Variants in NOTO observed in about 807,000 individuals in gnomAD.
NOTO encodes the protein homeobox protein notochord.
A neutral mutation model predicts 20.5 loss-of-function variants in NOTO; 19 were observed. The observed-to-expected ratio is 0.93, with a 90% CI of 0.65 to 1.36. The LOEUF (loss-of-function observed/expected upper bound fraction) is 1.36. NOTO is among the 40% of genes most tolerant of loss of function. The probability of loss-of-function intolerance (pLI) is 0.00; values close to 1 mark genes in which losing one functional copy is unlikely to be tolerated. For missense variants in NOTO, 369 were observed against 336.2 expected (o/e 1.10, Z -0.76); for synonymous variants, 150 against 150.2 (o/e 1.00, Z 0.01).
chr2:73,203,872 G>A lies in NOTO; in HGVS notation c.382+824G>A, dbSNP rs1165823587. 1.2e-4 allele frequency among the ~76,000 whole-genome samples: 11 copies of A among 88,512 alleles called. 3 individuals carry two copies. Among genetic ancestry groups the A allele is most frequent in the African/African-American group, 7.9e-4 (11 of 13,924 alleles). 58.1% of individuals were successfully genotyped at this position (88,512 alleles called of 152,430 possible). A position where few individuals can be genotyped will look rare whatever the true frequency, so the allele number is the denominator to read the frequency against. ...TCCCAGCACTTTGGGAGGCCGAGAC[G>A]GGCGGATCACGAGGTCAGGAGATCG... On this transcript the variant is annotated intron_variant, in intron 1 of 2. Coordinates refer to ENST00000398468, the MANE Select transcript of NOTO (RefSeq NM_001134462.2).
chr2:73,210,911 G>A lies in NOTO; in HGVS notation c.738G>A (p.Glu246=). The A allele has an allele frequency of 2.6e-6, 4 of 1,551,308 alleles. No homozygotes were observed. The highest frequency in any genetic ancestry group is 3.5e-6 in the Non-Finnish European group (4 of 1,146,770). Residue 246 remains glutamate (E), a synonymous_variant, in exon 3 of 3, where the codon GAG becomes GAA. Coordinates refer to ENST00000398468, the MANE Select transcript of NOTO (RefSeq NM_001134462.2). ...CCAGTATCCAGAGTGATGATGCCGA[G>A]TCAGGAGTGGACGGCTGAAGACTGG... ...SIASIQSDDA[E]SGVDG
At chr2:73,209,999 T>C (rs1010663052) in intron 2 of NOTO, among the ~76,000 whole-genome samples, 7 of 152,148 alleles carry the variant, frequency 4.6e-5, no homozygotes, top group African/African-American at 1.7e-4. Flanking sequence ...ACCCCTAATG[T>C]ACGCCCCAGC....
chr2:73,202,610 A>T lies in NOTO; in HGVS notation c.-57A>T. On this transcript the variant is annotated 5_prime_UTR_variant, in exon 1 of 3. Transcript: ENST00000398468. ...GGTCTTGCTCGCTGCCTTTTGCAGA[A>T]TCTTCTCACTTCTCCCGAGCTCCCT... The T allele has an allele frequency of 7.2e-7, 1 of 1,386,880 alleles. No individual in the cohort carries two copies. Among genetic ancestry groups the T allele is most frequent in the Non-Finnish European group, 9.3e-7 (1 of 1,075,906 alleles). The allele number at this position is 1,386,880 out of a possible 1,614,324, so 85.9% of individuals were successfully genotyped here.
rs1253849598 is a variant in NOTO, at chr2:73,211,833, T to C, written c.*904T>C. 6.6e-6 allele frequency: 1 copy of C among 152,164 alleles called. No individual in the cohort carries two copies. Among genetic ancestry groups the C allele is most frequent in the African/African-American group, 2.4e-5 (1 of 41,424 alleles). The allele number at this position is 152,164 out of a possible 1,614,324, so 9.4% of individuals were successfully genotyped here. ...AGTCATCAGTCAACTCATTAGCATA[T>C]GAAAAGACATCACTTCAGAGATTCT... On this transcript the variant is annotated 3_prime_UTR_variant, in exon 3 of 3. Coordinates refer to ENST00000398468, the MANE Select transcript of NOTO (RefSeq NM_001134462.2).
chr2:73,203,016 C>T lies in NOTO; in HGVS notation c.350C>T (p.Pro117Leu). 1.4e-6 allele frequency: 2 copies of T among 1,416,846 alleles called. No individual in the cohort carries two copies. Among genetic ancestry groups the T allele is most frequent in the South Asian group, 1.5e-5 (1 of 66,606 alleles). 87.8% of individuals were successfully genotyped at this position (1,416,846 alleles called of 1,614,324 possible). ...CCTGTGCCAGGGCCGCGCGTGGCTC[C>T]CGTCTGCGGCCTGCTGGGCTTCGGC... ...FYPVPGPRVA[P>L]VCGLLGFGVT... is the part of the protein sequence containing the mutation. Residue 117 changes from proline (P) to leucine (L), a missense_variant, in exon 1 of 3, where the codon CCC (proline) becomes CTC (leucine). By Grantham distance (98) the Pro-to-Leu change is moderately conservative. Coordinates refer to ENST00000398468, the MANE Select transcript of NOTO (RefSeq NM_001134462.2).
Position 73,209,972 on chromosome 2 carries a change from C to T in NOTO, c.598-799C>T, listed in dbSNP as rs375506407. On this transcript the variant is annotated intron_variant, in intron 2 of 2. Transcript: ENST00000398468. ...TACCTCCAAAATACAGCTGGAGTGG[C>T]TTCACTTCTCTCTGTCACCCCTAAT... 8.5e-5 allele frequency among the ~76,000 whole-genome samples: 13 copies of T among 152,174 alleles called. No individual in the cohort carries two copies. The East Asian group carries it at 2.1e-3, about 25-fold the overall frequency.
rs1305500928 is a variant in NOTO at position 73,211,146 on chromosome 2, C to G, written c.*217C>G. On this transcript the variant is annotated 3_prime_UTR_variant, in exon 3 of 3. Coordinates refer to ENST00000398468, the MANE Select transcript of NOTO (RefSeq NM_001134462.2). Reference sequence around the variant, plus strand: ...GGCCTTCAGCTATGTCCTTGGCCAACCTATGGAACTTCCGAGCCTTTTTTC... The same window carrying G: ...GGCCTTCAGCTATGTCCTTGGCCAAGCTATGGAACTTCCGAGCCTTTTTTC... 2 of 506,744 alleles carry G rather than the reference C, an allele frequency of 3.9e-6. No individual in the cohort carries two copies. Among genetic ancestry groups the G allele is most frequent in the Non-Finnish European group, 7.0e-6 (2 of 286,880 alleles). 31.4% of individuals were successfully genotyped at this position (506,744 alleles called of 1,614,324 possible).
chr2:73,203,558 A>C (rs1686038565), intron 1 of NOTO, among the ~76,000 whole-genome samples: 1 of 151,366 alleles, frequency 6.6e-6, no homozygotes, highest in South Asian at 2.1e-4. Context: ...ACACCCCACT[A>C]CCGCCTCCAC....
At chr2:73,207,555 C>T (rs1242191006) in intron 1 of NOTO, among the ~76,000 whole-genome samples, 2 of 152,004 alleles carry the variant, frequency 1.3e-5, no homozygotes, top group Non-Finnish European at 2.9e-5. Flanking sequence ...TGATGACTCC[C>T]AATTTTTTTT....
chr2:73,202,574 C>G lies in NOTO; in HGVS notation c.-93C>G, dbSNP rs1686017157. 15 of 1,264,276 alleles carry G rather than the reference C, an allele frequency of 1.2e-5. No individual in the cohort carries two copies. Among genetic ancestry groups the G allele is most frequent in the African/African-American group, 1.6e-5 (1 of 62,748 alleles). 78.3% of individuals were successfully genotyped at this position (1,264,276 alleles called of 1,614,324 possible). ...AGCCTTCGCCGAGCGCCAGGAGGTT[C>G]CCAGACAACCGGTCTTGCTCGCTGC... On this transcript the variant is annotated 5_prime_UTR_variant, in exon 1 of 3. Transcript: ENST00000398468.
chr2:73,206,073 C>G (rs1420906202), intron 1 of NOTO, among the ~76,000 whole-genome samples: 3 of 152,106 alleles, frequency 2.0e-5, no homozygotes, highest in Non-Finnish European at 4.4e-5. Flanking sequence ...AACTTCCTCA[C>G]TGTGAAGTCA....
At chr2:73,206,854 G>A (rs979946281) in intron 1 of NOTO, among the ~76,000 whole-genome samples, 4 of 146,322 alleles carry the variant, frequency 2.7e-5, no homozygotes, top group African/African-American at 1.0e-4. Flanking sequence ...GAATACAGTG[G>A]CACAACCTTG....
At chr2:73,207,449 G>T (rs1383199906) in intron 1 of NOTO, among the ~76,000 whole-genome samples, 1 of 152,178 alleles carries the variant, frequency 6.6e-6, no homozygotes, top group African/African-American at 2.4e-5. Flanking sequence ...TCCCCATCAA[G>T]ATTTGACTTA....
At chr2:73,206,817 C>CA (rs1217346939) in intron 1 of NOTO, among the ~76,000 whole-genome samples, 1 of 103,356 alleles carries the variant, frequency 9.7e-6, no homozygotes, top group East Asian at 3.1e-4. Flanking sequence ...TTTTTTAAGA[C>CA]AGAGTCTCAC....
intron 1 of NOTO, among the ~76,000 whole-genome samples, chr2:73,206,507 T>A (rs1285894815): frequency 6.6e-6 from 1 of 152,066 alleles, no homozygotes; most frequent in Non-Finnish European, 1.5e-5. Flanking sequence ...CCTGACTAAT[T>A]TTTGTATTTT....
At chr2:73,207,009 G>C (rs1033152107) in intron 1 of NOTO, among the ~76,000 whole-genome samples, 1 of 151,930 alleles carries the variant, frequency 6.6e-6, no homozygotes, top group Middle Eastern at 3.4e-3. Context: ...TGGCCAGGCT[G>C]GTCTTGAACT....
At chr2:73,204,483 C>T (rs555435545) in intron 1 of NOTO, among the ~76,000 whole-genome samples, 1 of 152,284 alleles carries the variant, frequency 6.6e-6, no homozygotes. Context: ...GGTTCCTACT[C>T]CGTGGCACCC....
In NOTO at chr2:73,210,909, G is replaced by A. The variant is rs192237334; in HGVS notation, c.736G>A (p.Glu246Lys). Residue 246 changes from glutamate (E) to lysine (K), a missense_variant, in exon 3 of 3, where the codon GAG (glutamate) becomes AAG (lysine). By Grantham distance (56) the Glu-to-Lys change is moderately conservative. Coordinates refer to ENST00000398468, the MANE Select transcript of NOTO (RefSeq NM_001134462.2). ...SIASIQSDDA[E>K]SGVDG The stretch of plus-strand genomic sequence containing the variant: ...CGCCAGTATCCAGAGTGATGATGCC[G>A]AGTCAGGAGTGGACGGCTGAAGACT... 4.1e-3 allele frequency: 6,386 copies of A among 1,551,272 alleles called. 22 individuals carry two copies. The highest frequency in any genetic ancestry group is 4.7e-3 in the Non-Finnish European group (5,379 of 1,146,750).
rs1362772783 is a variant in NOTO, at chr2:73,203,853, C to CT, written c.382+805_382+806insT. On this transcript the variant is annotated intron_variant, in intron 1 of 2. Coordinates refer to ENST00000398468, the MANE Select transcript of NOTO (RefSeq NM_001134462.2). ...CGGTGGCTCACGCCTGTAATCCCAG[C>CT]ACTTTGGGAGGCCGAGACGGGCGGA... Among the ~76,000 whole-genome samples, 754 of 142,966 alleles carry CT rather than the reference C, an allele frequency of 5.3e-3. 15 individuals carry two copies. The highest frequency in any genetic ancestry group is 8.9e-3 in the African/African-American group (322 of 35,994). The allele number at this position is 142,966 out of a possible 152,430, so 93.8% of individuals were successfully genotyped here.
Sources: gnomAD v4.1 joint callset for allele counts (sites outside exome capture counted in the v4.1 genomes callset) on GRCh38, gnomAD v4.1.1 for gene constraint, MANE v1.5 for transcripts, NCBI Gene and HGNC (gene_info 2026-07-23, HGNC 2026-07-21) for gene names.